Variants in DDX5 observed in about 807,000 individuals in gnomAD.
DDX5 encodes the protein DEAD-box helicase 5.
Under a neutral mutation model 68.6 loss-of-function variants are expected in DDX5, and 6 were observed. The ratio of observed to expected loss-of-function variants is 0.09; its 90% confidence interval spans 0.05 to 0.17. The LOEUF (loss-of-function observed/expected upper bound fraction) is 0.17. DDX5 is among the 10% of genes least tolerant of loss of function. The pLI is 1.00. For missense variants in DDX5, 499 were observed against 756.1 expected (o/e 0.66, Z 3.99); for synonymous variants, 350 against 247.0 (o/e 1.42, Z -3.91).
Position 64,500,155 on chromosome 17 carries a change from G to C in DDX5, c.1613C>G (p.Ala538Gly). ...TCCAAAGCTCCCATTGGTGTAATTTGCAGCACTGTAAACACCATTCTGAGT... is the reference window on the plus strand; with the variant it reads ...TCCAAAGCTCCCATTGGTGTAATTTCCAGCACTGTAAACACCATTCTGAGT... ...AKTQNGVYSA[A>G]NYTNGSFGSN... Residue 538 changes from alanine to glycine, a missense_variant, in exon 13 of 13, where the codon GCA (alanine) becomes GGA (glycine). Coordinates refer to ENST00000225792, the MANE Select transcript of DDX5 (RefSeq NM_004396.5). 2 of 1,614,174 alleles carry C rather than the reference G, an allele frequency of 1.2e-6. No homozygotes were observed. Among genetic ancestry groups the C allele is most frequent in the Non-Finnish European group, 1.7e-6 (2 of 1,180,036 alleles).
At chr17:64,506,826 C>G, upstream of DDX5, 1 of 588,996 alleles carries the variant, frequency 1.7e-6, no homozygotes, top group South Asian at 1.9e-5. Context: ...ACCCGCGTGT[C>G]TGATAATCCT....
At chr17:64,504,591 G>A (rs1454437885) in intron 2 of DDX5, 86 bp downstream of exon 2, 15 of 1,456,554 alleles carry the variant, frequency 1.0e-5, no homozygotes, top group Non-Finnish European at 5.6e-6. Context: ...CCAAAATTGA[G>A]TTATTTGCAA....
At chr17:64,501,007 A>G (rs2038285229) in intron 11 of DDX5, 1 of 564,056 alleles carries the variant, frequency 1.8e-6, no homozygotes, top group Middle Eastern at 4.6e-4. Flanking sequence ...ACCCTGTCAA[A>G]AGGAATGTGT....
At chr17:64,505,432 C>G (rs2038442083) in intron 1 of DDX5, 1 of 546,064 alleles carries the variant, frequency 1.8e-6, no homozygotes, top group African/African-American at 1.9e-5. Context: ...GAGGAGCCGG[C>G]GACTACCGGG....
At chr17:64,505,152 T>C (rs1555671967) in intron 1 of DDX5, 3 of 310,522 alleles carry the variant, frequency 9.7e-6, no homozygotes, top group South Asian at 6.6e-5. Context: ...CACCACTTCT[T>C]GTGGTTACTG....
intron 12 of DDX5, 106 bp downstream of exon 12, chr17:64,500,443 A>G: frequency 2.6e-6 from 4 of 1,515,626 alleles, no homozygotes; most frequent in Non-Finnish European, 3.6e-6. Context: ...TTTTCAGCTT[A>G]AGTTTTCACA....
upstream of DDX5, chr17:64,506,393 T>A: frequency 4.3e-6 from 6 of 1,398,046 alleles, no homozygotes; most frequent in Non-Finnish European, 5.6e-6. Context: ...CCCTCGCGCA[T>A]AGGCCGCAAC....
chr17:64,503,795 A>T lies in DDX5; in HGVS notation c.507+8T>A. ...GCTTCTAATAAAAAGTTAAAAATAT[A>T]TACTTACAATAGGCCCATCGCCTCT... On this transcript the variant is annotated splice_region_variant and intron_variant, in intron 5 of 12. Transcript: ENST00000225792. The T allele has an allele frequency of 6.2e-7, 1 of 1,610,264 alleles. No homozygotes were observed. The highest frequency in any genetic ancestry group is 8.5e-7 in the Non-Finnish European group (1 of 1,178,694).
At chr17:64,506,547 ACCCCGCCCTTTCCCAAGCCCAG>A (rs1355833443), upstream of DDX5, 13 of 507,662 alleles carry the variant, frequency 2.6e-5, no homozygotes, top group Non-Finnish European at 3.8e-5. Context: ...CAAGCAAGCC[ACCCCGCCCTTTCCCAAGCCCAG>A]CCCCGCCCAC....
At chr17:64,506,749 G>T (rs1402896950), upstream of DDX5, 2 of 474,522 alleles carry the variant, frequency 4.2e-6, no homozygotes, top group Non-Finnish European at 7.6e-6. Flanking sequence ...AAACGAAATA[G>T]CTCACCGGAA....
intron 1 of DDX5, 57 bp downstream of exon 1, chr17:64,506,019 G>GGGGCCCCC: frequency 7.4e-6 from 10 of 1,360,416 alleles, no homozygotes; most frequent in Non-Finnish European, 9.1e-6. Flanking sequence ...CCGCCACCCT[G>GGGGCCCCC]ACCCGCCCTC....
chr17:64,504,945 ACTT>A (rs2038395840), intron 1 of DDX5, 103 bp from the exon 2 acceptor site: 7 of 1,123,026 alleles, frequency 6.2e-6, no homozygotes, highest in Non-Finnish European at 8.7e-6. Context: ...CTGAAAACAG[ACTT>A]CGAGAGGTAA....
intron 1 of DDX5, chr17:64,505,672 A>C (rs554576199): frequency 1.4e-6 from 2 of 1,452,740 alleles, no homozygotes; most frequent in African/African-American, 2.8e-5. Context: ...CAACAGCACC[A>C]GGGCTTTGGA....
At chr17:64,504,914 A>C in intron 1 of DDX5, 72 bp from the exon 2 acceptor site, 1 of 1,462,808 alleles carries the variant, frequency 6.8e-7, no homozygotes, top group Non-Finnish European at 9.2e-7. Flanking sequence ...TTTGTCATCC[A>C]TTGGCACAAG....
intron 1 of DDX5, chr17:64,505,667 G>A (rs1488801027): frequency 1.5e-5 from 22 of 1,428,432 alleles, no homozygotes; most frequent in East Asian, 2.5e-5. Flanking sequence ...TACCCCAACA[G>A]CACCAGGGCT....
upstream of DDX5, chr17:64,506,703 G>A (rs2144297037): frequency 2.5e-6 from 1 of 401,578 alleles, no homozygotes; most frequent in Non-Finnish European, 4.6e-6. Flanking sequence ...AGAGCGGTCC[G>A]CACTACTTTC....
chr17:64,500,351 G>A, intron 12 of DDX5, 25 bp from the exon 13 acceptor site: 4 of 1,585,752 alleles, frequency 2.5e-6, no homozygotes, highest in East Asian at 2.2e-5. Context: ...ATTGCAAATT[G>A]ATCAATTATG....
intron 11 of DDX5, 40 bp downstream of exon 11, chr17:64,501,970 C>T: frequency 3.1e-6 from 5 of 1,595,040 alleles, no homozygotes; most frequent in Non-Finnish European, 4.3e-6. Context: ...AAATGGAGAT[C>T]TTCTGGGAAA....
In DDX5 at chr17:64,503,362, C is replaced by G; in HGVS notation, c.650-14G>C. On this transcript the variant is annotated splice_polypyrimidine_tract_variant and intron_variant, in intron 6 of 12. Transcript: ENST00000225792. ...AGATTTCCACACCTTTAATTAAATA[C>G]GTAAGTGTAACTACAATACCTAGGA... 1 of 1,614,064 alleles carries G rather than the reference C, an allele frequency of 6.2e-7. No homozygotes were observed. The highest frequency in any genetic ancestry group is 8.5e-7 in the Non-Finnish European group (1 of 1,179,970).
Sources: allele counts gnomAD v4.1 joint callset, GRCh38; gene constraint gnomAD v4.1.1; transcripts MANE v1.5; gene names NCBI Gene and HGNC (gene_info 2026-07-23, HGNC 2026-07-21).